Variants in SDCCAG8 observed in about 807,000 individuals in gnomAD.
SDCCAG8 encodes the protein SHH signaling and ciliogenesis regulator SDCCAG8.
A neutral mutation model predicts 101.8 loss-of-function variants in SDCCAG8; 74 were observed. That is an observed-to-expected ratio of 0.73 (90% CI 0.60 to 0.88). The LOEUF is 0.88. Ranked by LOEUF, SDCCAG8 falls within the 40% of genes least tolerant of loss-of-function variation. The probability of loss-of-function intolerance (pLI) is 0.00; values close to 1 mark genes in which losing one functional copy is unlikely to be tolerated. For missense variants in SDCCAG8, 787 were observed against 822.6 expected (o/e 0.96, Z 0.53); for synonymous variants, 281 against 292.9 (o/e 0.96, Z 0.41).
At chr1:243,329,930 C>T (rs980920748) in intron 9 of SDCCAG8, among the ~76,000 whole-genome samples, 3 of 152,114 alleles carry the variant, frequency 2.0e-5, no homozygotes, top group African/African-American at 7.2e-5. Flanking sequence ...GTAGTGAATA[C>T]TGTCTTGAGT....
chr1:243,280,113 C>T (rs1038295593), intron 4 of SDCCAG8, among the ~76,000 whole-genome samples: 2 of 152,060 alleles, frequency 1.3e-5, no homozygotes, highest in African/African-American at 4.8e-5. Context: ...CTATTCCTCC[C>T]TCTGTGAGTT....
chr1:243,467,211 C>T (rs1660332016), intron 16 of SDCCAG8, among the ~76,000 whole-genome samples: 1 of 152,240 alleles, frequency 6.6e-6, no homozygotes, highest in African/African-American at 2.4e-5. Context: ...GGAGGGATAG[C>T]AAAGGCTTTC....
At chr1:243,309,303 A>G (rs1421152894) in intron 8 of SDCCAG8, among the ~76,000 whole-genome samples, 5 of 152,180 alleles carry the variant, frequency 3.3e-5, no homozygotes. Flanking sequence ...TCATTTTTAA[A>G]ATGGTGACAT....
At chr1:243,382,403 T>C (rs2078012999) in intron 13 of SDCCAG8, among the ~76,000 whole-genome samples, 1 of 152,210 alleles carries the variant, frequency 6.6e-6, no homozygotes, top group East Asian at 1.9e-4. Context: ...GAATGGTTTT[T>C]ATATTTTTAA....
At chr1:243,345,550 T>C (rs554064270) in intron 12 of SDCCAG8, among the ~76,000 whole-genome samples, 12 of 152,306 alleles carry the variant, frequency 7.9e-5, no homozygotes, top group Admixed American at 6.5e-4. Context: ...ACAGATAACT[T>C]TTCTTTCCTG....
intron 16 of SDCCAG8, among the ~76,000 whole-genome samples, chr1:243,469,837 T>G (rs1426713131): frequency 1.3e-5 from 2 of 150,782 alleles, no homozygotes; most frequent in East Asian, 1.9e-4. Flanking sequence ...TTGGTTTTTT[T>G]TTTTTTTTTT....
At chr1:243,477,199 G>A (rs1214795932) in intron 16 of SDCCAG8, among the ~76,000 whole-genome samples, 1 of 152,218 alleles carries the variant, frequency 6.6e-6, no homozygotes, top group Non-Finnish European at 1.5e-5. Flanking sequence ...TTTAGGGTGA[G>A]GTAGGGTACA....
rs190020173 is a variant in SDCCAG8 at position 243,378,835 on chromosome 1, G to C, written c.1588G>C (p.Glu530Gln). The C allele has an allele frequency of 1.9e-6, 3 of 1,614,066 alleles. No homozygotes were observed. Among genetic ancestry groups the C allele is most frequent in the Non-Finnish European group, 2.5e-6 (3 of 1,179,966 alleles). The part of the protein sequence containing the change: ...ECLRLTELLG[E>Q]SEHQLHLTRQ... ...CCTGAGACTAACAGAACTGCTGGGC[G>C]AATCTGAGCACCAACTGCACCTCAC... Residue 530 changes from glutamate (E) to glutamine (Q), a missense_variant, in exon 13 of 18, where the codon GAA becomes CAA. Transcript: ENST00000366541.
chr1:243,420,664 T>C (rs1573944414), intron 15 of SDCCAG8, among the ~76,000 whole-genome samples: 1 of 152,308 alleles, frequency 6.6e-6, no homozygotes, highest in African/African-American at 2.4e-5. Context: ...TTTAAAACTC[T>C]CAAGCGCCCC....
At position 243,495,258 on chromosome 1, in the gene SDCCAG8, TC is replaced by T. The variant is rs1667515941; in HGVS notation, c.2113-4494del. 1.4e-4 allele frequency among the ~76,000 whole-genome samples: 21 copies of T among 152,246 alleles called. No individual in the cohort carries two copies. In the South Asian group the frequency reaches 4.4e-3, roughly 32 times the overall value. On this transcript the variant is annotated intron_variant, in intron 17 of 17. Coordinates refer to ENST00000366541, the MANE Select transcript of SDCCAG8 (RefSeq NM_006642.5). ...TGGCCTGTGCGGGGCCGCCTCCCTC[TC>T]CCCGCCAAGTCCAGCTCGAGATGCT...
At chr1:243,278,878 G>A (rs1459206850) in intron 4 of SDCCAG8, among the ~76,000 whole-genome samples, 1 of 152,030 alleles carries the variant, frequency 6.6e-6, no homozygotes, top group Non-Finnish European at 1.5e-5. Flanking sequence ...GACATCCTGG[G>A]CGCAAGTGAT....
At chr1:243,306,285 A>C (rs2072121684) in intron 7 of SDCCAG8, 1 of 151,706 alleles carries the variant, frequency 6.6e-6, no homozygotes, top group South Asian at 2.1e-4. Flanking sequence ...TTTTTGTCCT[A>C]TTTTATTTTA....
chr1:243,410,578 A>G (rs890534930), intron 13 of SDCCAG8, among the ~76,000 whole-genome samples: 1 of 152,172 alleles, frequency 6.6e-6, no homozygotes. Flanking sequence ...GAGTAGGAAC[A>G]TGGAAGGTGG....
At chr1:243,490,321 G>C (rs190304655) in intron 17 of SDCCAG8, among the ~76,000 whole-genome samples, 2 of 152,210 alleles carry the variant, frequency 1.3e-5, no homozygotes, top group Non-Finnish European at 2.9e-5. Flanking sequence ...CAGGGACTGT[G>C]GGGGAGCGGG....
chr1:243,293,063 T>C (rs2070429651), intron 5 of SDCCAG8, 28 bp from the exon 6 acceptor site: 26 of 1,613,548 alleles, frequency 1.6e-5, no homozygotes, highest in Non-Finnish European at 2.1e-5. Flanking sequence ...TTGAATTCAG[T>C]TGCAGTTACT....
At chr1:243,392,333 T>A in intron 13 of SDCCAG8, among the ~76,000 whole-genome samples, 1 of 152,178 alleles carries the variant, frequency 6.6e-6, no homozygotes, top group East Asian at 1.9e-4. Flanking sequence ...ATATTGTTCT[T>A]TCTACATCTT....
At chr1:243,363,675 C>A (rs1184871517) in intron 12 of SDCCAG8, among the ~76,000 whole-genome samples, 1 of 152,148 alleles carries the variant, frequency 6.6e-6, no homozygotes, top group Non-Finnish European at 1.5e-5. Flanking sequence ...TCTCTCTGTT[C>A]TATGCCTATT....
chr1:243,439,462 A>G (rs2082377791), intron 16 of SDCCAG8, among the ~76,000 whole-genome samples: 1 of 152,068 alleles, frequency 6.6e-6, no homozygotes, highest in African/African-American at 2.4e-5. Flanking sequence ...TGTCTCTACT[A>G]AAAATACAAA....
At chr1:243,463,207 A>T (rs556280397) in intron 16 of SDCCAG8, among the ~76,000 whole-genome samples, 2 of 152,342 alleles carry the variant, frequency 1.3e-5, no homozygotes, top group East Asian at 3.9e-4. Context: ...CAGGAGGCAG[A>T]CAGTCATAGT....
Sources: gnomAD v4.1 joint callset for allele counts (sites outside exome capture counted in the v4.1 genomes callset) on GRCh38, gnomAD v4.1.1 for gene constraint, MANE v1.5 for transcripts, NCBI Gene and HGNC (gene_info 2026-07-23, HGNC 2026-07-21) for gene names.